Variants in SLC25A30 observed in about 807,000 individuals in gnomAD.
The protein encoded by SLC25A30 is solute carrier family 25 member 30.
A neutral mutation model predicts 42.7 loss-of-function variants in SLC25A30; 29 were observed. The observed-to-expected ratio is 0.68, with a 90% CI of 0.51 to 0.93. The LOEUF (loss-of-function observed/expected upper bound fraction) is 0.93. Ranked by LOEUF, SLC25A30 falls within the 40% of genes least tolerant of loss-of-function variation. The pLI is 0.00. For missense variants in SLC25A30, 300 were observed against 359.7 expected (o/e 0.83, Z 1.34); for synonymous variants, 124 against 131.0 (o/e 0.95, Z 0.37).
In SLC25A30 at chr13:45,402,361, G is replaced by A. The variant is rs1429644065; in HGVS notation, c.403C>T (p.Gln135Ter). Reference sequence around the variant, plus strand: ...CCTTGAATGGTGTTGCTTTGCGCTTGCATCCGAATCTAGAGATTATTTTAA... The same window carrying A: ...CCTTGAATGGTGTTGCTTTGCGCTTACATCCGAATCTAGAGATTATTTTAA... ...NPTDVLKIRM[Q>*]AQSNTIQGGM... The change falls in exon 6 of 10, where the codon CAA (glutamine) becomes TAA (stop). Residue 135 changes from glutamine (Q) to a stop codon, truncating the protein, a stop_gained. Transcript: ENST00000519676. LOFTEE classifies it high-confidence loss of function. The A allele has an allele frequency of 1.2e-6, 2 of 1,613,492 alleles. No homozygotes were observed. The highest frequency in any genetic ancestry group is 1.7e-6 in the Non-Finnish European group (2 of 1,179,600).
the SLC25A30 span, among the ~76,000 whole-genome samples, chr13:45,425,010 A>AAG: frequency 1.9e-3 from 2 of 1,072 alleles, no homozygotes; most frequent in African/African-American, 3.7e-3. Context: ...ATAAATATAT[A>AAG]TAAATATACA....
At chr13:45,411,188 C>T (rs1882988121) in intron 2 of SLC25A30, among the ~76,000 whole-genome samples, 174 bp downstream of exon 2, 1 of 152,158 alleles carries the variant, frequency 6.6e-6, no homozygotes, top group Admixed American at 6.6e-5. Flanking sequence ...GATTCCCCTT[C>T]CTCAGCCTAC....
chr13:45,409,609 A>G (rs35669033), intron 2 of SLC25A30, among the ~76,000 whole-genome samples: 21,978 of 151,980 alleles, frequency 0.14, 1,820 homozygotes, highest in African/African-American at 0.21. Context: ...AGGAGTTCCA[A>G]ACCAACCTGG....
intron 2 of SLC25A30, among the ~76,000 whole-genome samples, chr13:45,410,736 C>T (rs543443193): frequency 5.3e-5 from 8 of 152,068 alleles, no homozygotes; most frequent in Non-Finnish European, 8.8e-5. Context: ...CGCTTGAGCA[C>T]GGGAGGCGGA....
chr13:45,432,689 C>T, the SLC25A30 span, among the ~76,000 whole-genome samples: 1 of 150,198 alleles, frequency 6.7e-6, no homozygotes, highest in African/African-American at 2.5e-5. Flanking sequence ...TTATTATGGC[C>T]AGGTATATCT....
chr13:45,400,488 T>C (rs559089916), intron 7 of SLC25A30, among the ~76,000 whole-genome samples: 1 of 152,298 alleles, frequency 6.6e-6, no homozygotes, highest in Non-Finnish European at 1.5e-5. Context: ...ATATTTGGAA[T>C]ATGTTGTTAA....
upstream of SLC25A30, among the ~76,000 whole-genome samples, chr13:45,421,017 G>A (rs1056387183): frequency 2.0e-5 from 3 of 152,046 alleles, no homozygotes; most frequent in Admixed American, 6.6e-5. Context: ...CTTGGCCCAG[G>A]GATTGGAAAC....
chr13:45,433,362 A>C, the SLC25A30 span, among the ~76,000 whole-genome samples: 1 of 152,266 alleles, frequency 6.6e-6, no homozygotes, highest in South Asian at 2.1e-4. Flanking sequence ...GAGTGTTCTA[A>C]AGTGTGGCTT....
chr13:45,424,529 A>G, the SLC25A30 span, among the ~76,000 whole-genome samples: 5 of 78,046 alleles, frequency 6.4e-5, no homozygotes, highest in African/African-American at 2.6e-4. Flanking sequence ...ATATAAAAAT[A>G]TATATAAATA....
At chr13:45,413,226 A>T (rs1883179526) in intron 1 of SLC25A30, among the ~76,000 whole-genome samples, 1 of 152,222 alleles carries the variant, frequency 6.6e-6, no homozygotes, top group African/African-American at 2.4e-5. Flanking sequence ...AGTACTAAGG[A>T]GCAAGCCCTC....
At chr13:45,432,912 T>A in the SLC25A30 span, among the ~76,000 whole-genome samples, 2,141 of 151,762 alleles carry the variant, frequency 0.014, 48 homozygotes, top group African/African-American at 0.048. Flanking sequence ...GGCACACGCC[T>A]GTAGTCCTCA....
the SLC25A30 span, among the ~76,000 whole-genome samples, chr13:45,425,938 C>T: frequency 6.8e-6 from 1 of 147,770 alleles, no homozygotes; most frequent in South Asian, 2.1e-4. Context: ...AGTGATCCAC[C>T]TGCCTCAGCC....
chr13:45,397,197 T>A (rs774069513), intron 9 of SLC25A30, 61 bp downstream of exon 9: 2 of 1,111,504 alleles, frequency 1.8e-6, no homozygotes, highest in Non-Finnish European at 2.7e-6. Flanking sequence ...CATGAGAGTT[T>A]ATACAAATAG....
At chr13:45,413,416 C>T (rs1214237586) in intron 1 of SLC25A30, among the ~76,000 whole-genome samples, 3 of 152,192 alleles carry the variant, frequency 2.0e-5, no homozygotes, top group African/African-American at 7.2e-5. Flanking sequence ...ACTTCCTTAA[C>T]CCATTCTTAG....
chr13:45,421,391 A>AG (rs1315828773), upstream of SLC25A30, among the ~76,000 whole-genome samples: 6 of 151,768 alleles, frequency 4.0e-5, no homozygotes, highest in African/African-American at 1.2e-4. Context: ...AAAAAAAAAA[A>AG]AAAAAAAAAG....
intron 5 of SLC25A30, among the ~76,000 whole-genome samples, chr13:45,403,611 T>A (rs1882208584): frequency 6.6e-6 from 1 of 152,162 alleles, no homozygotes; most frequent in South Asian, 2.1e-4. Context: ...TAATTAAATT[T>A]TTTCATCTGT....
chr13:45,400,760 G>C (rs891847535), intron 7 of SLC25A30, among the ~76,000 whole-genome samples: 2 of 152,114 alleles, frequency 1.3e-5, no homozygotes, highest in Non-Finnish European at 2.9e-5. Flanking sequence ...GCCTTCCAAA[G>C]TCCTAAGATT....
In SLC25A30 at chr13:45,395,777, A is replaced by C. The variant is rs1881263629; in HGVS notation, c.*197T>G. 9 of 1,449,824 alleles carry C rather than the reference A, an allele frequency of 6.2e-6. No individual in the cohort carries two copies. The highest frequency in any genetic ancestry group is 8.2e-6 in the Non-Finnish European group (9 of 1,102,280). The allele number at this position is 1,449,824 out of a possible 1,614,324, so 89.8% of individuals were successfully genotyped here. A position where few individuals can be genotyped will look rare whatever the true frequency, so the allele number is the denominator to read the frequency against. ...TGGTAAAGACTAGTGTTTGGATGTT[A>C]GTTTATGCCATTAAACGTTTGATGA... is the stretch of plus-strand genomic sequence containing the variant. On this transcript the variant is annotated 3_prime_UTR_variant, in exon 10 of 10. Transcript: ENST00000519676.
the SLC25A30 span, among the ~76,000 whole-genome samples, chr13:45,426,127 A>G: frequency 1.3e-5 from 2 of 150,500 alleles, no homozygotes; most frequent in Non-Finnish European, 3.0e-5. Context: ...TTACTCTGTC[A>G]CCAGTCTGGA....
Sources: gnomAD v4.1 joint callset for allele counts (sites outside exome capture counted in the v4.1 genomes callset) on GRCh38, gnomAD v4.1.1 for gene constraint, MANE v1.5 for transcripts, NCBI Gene and HGNC (gene_info 2026-07-23, HGNC 2026-07-21) for gene names.